Variants in VSX1 observed in about 807,000 individuals in gnomAD.
VSX1 encodes the protein visual system homeobox 1.
Under a neutral mutation model 23.6 loss-of-function variants are expected in VSX1, and 23 were observed. The observed-to-expected ratio is 0.97, with a 90% CI of 0.70 to 1.38. The LOEUF (loss-of-function observed/expected upper bound fraction) is 1.38. Among genes scored for constraint, VSX1 ranks in the 40% most tolerant of loss-of-function variants. The pLI is 0.00. For missense variants in VSX1, 517 were observed against 495.4 expected (o/e 1.04, Z -0.41); for synonymous variants, 247 against 215.1 (o/e 1.15, Z -1.30).
chr20:25,079,664 A>G, intron 1 of VSX1, 150 bp from the exon 2 acceptor site: 1 of 691,822 alleles, frequency 1.4e-6, no homozygotes, highest in East Asian at 2.8e-5. Context: ...ACTAGATCCC[A>G]GGCTCTGTGC....
chr20:25,076,708 C>T (rs1055313234), intron 4 of VSX1, among the ~76,000 whole-genome samples, 158 bp from the exon 5 acceptor site: 1 of 152,238 alleles, frequency 6.6e-6, no homozygotes, highest in Non-Finnish European at 1.5e-5. Context: ...GTAACTCCCA[C>T]CTTAGGGGTT....
At position 25,081,942 on chromosome 20, in the gene VSX1, C is replaced by T. The variant is rs2089658533; in HGVS notation, c.155G>A (p.Gly52Glu). 6.5e-7 allele frequency: 1 copy of T among 1,532,476 alleles called. No individual in the cohort carries two copies. The highest frequency in any genetic ancestry group is 8.7e-7 in the Non-Finnish European group (1 of 1,145,920). 94.9% of individuals were successfully genotyped at this position (1,532,476 alleles called of 1,614,324 possible). Residue 52 changes from glycine (G) to glutamate (E), a missense_variant, in exon 1 of 5, where the codon GGA becomes GAA. Coordinates refer to ENST00000376709, the MANE Select transcript of VSX1 (RefSeq NM_014588.6). ...ELPAPAGPGQGSGCEGPAVAP... is the reference protein window; with the variant it reads ...ELPAPAGPGQESGCEGPAVAP... ...GACTGCCGGACCCTCGCAGCCAGAT[C>T]CCTGTCCTGGGCCAGCGGGCGCCGG...
Position 25,082,070 on chromosome 20 carries a change from G to A in VSX1, c.27C>T (p.Asp9=). 8 of 1,538,738 alleles carry A rather than the reference G, an allele frequency of 5.2e-6. No homozygotes were observed. The highest frequency in any genetic ancestry group is 7.0e-6 in the Non-Finnish European group (8 of 1,148,510). Residue 9 remains aspartate, a synonymous_variant, in exon 1 of 5, where the codon GAC becomes GAT. Transcript: ENST00000376709. ...CCAGCGCCCTGCTGCTAGTGCGCCC[G>A]TCGGAAAGCGAGTCCCGGCCGGTCA... is the stretch of plus-strand genomic sequence containing the variant. MTGRDSLS[D]GRTSSRALVP...
At chr20:25,071,231 G>T (rs1310540981), downstream of VSX1, 1 of 452,868 alleles carries the variant, frequency 2.2e-6, no homozygotes, top group South Asian at 1.6e-5. Flanking sequence ...GCAGGCACAG[G>T]TCAGCCATGC....
At chr20:25,073,966 C>A (rs987539961), downstream of VSX1, among the ~76,000 whole-genome samples, 1 of 152,084 alleles carries the variant, frequency 6.6e-6, no homozygotes, top group Non-Finnish European at 1.5e-5. Context: ...TTGCTGTGTT[C>A]GTAGAGTTCT....
rs2089556743 is a variant in VSX1 at position 25,078,387 on chromosome 20, G to A, written c.627+442C>T. Among the ~76,000 whole-genome samples the A allele has an allele frequency of 2.0e-5, 3 of 152,106 alleles. No homozygotes were observed. The South Asian group carries it at 6.2e-4, about 32-fold the overall frequency. On this transcript the variant is annotated intron_variant, in intron 3 of 4. Coordinates refer to ENST00000376709, the MANE Select transcript of VSX1 (RefSeq NM_014588.6). Reference sequence around the variant, plus strand: ...ACATATCTTCTGATAAAACCAAGAGGAAAATTCTATGTATGCATGTGAGTG... The same window carrying A: ...ACATATCTTCTGATAAAACCAAGAGAAAAATTCTATGTATGCATGTGAGTG...
chr20:25,076,339 GTGCAC>G lies in VSX1; in HGVS notation c.1015_1019del (p.Val339ProfsTer36). 1.2e-6 allele frequency: 2 copies of G among 1,614,186 alleles called. No individual in the cohort carries two copies. The highest frequency in any genetic ancestry group is 1.7e-6 in the Non-Finnish European group (2 of 1,180,034). On this transcript the variant is annotated frameshift_variant, in exon 5 of 5. Coordinates refer to ENST00000376709, the MANE Select transcript of VSX1 (RefSeq NM_014588.6). LOFTEE classifies it low-confidence loss of function (END_TRUNC). ...AGCCTCCTTGAGCACCAGCCCCAGG[GTGCAC>G]TTTCTTGGTCTCCTGCCGGGCAGAG...
Position 25,081,914 on chromosome 20 carries a change from C to T in VSX1, c.183G>A (p.Ala61=), listed in dbSNP as rs1394252540. 6.5e-6 allele frequency: 10 copies of T among 1,529,094 alleles called. No individual in the cohort carries two copies. The African/African-American group carries it at 1.1e-4, about 17-fold the overall frequency. The allele number at this position is 1,529,094 out of a possible 1,614,324, so 94.7% of individuals were successfully genotyped here. ...QGSGCEGPAV[A]PCPGPGLDGS... is the part of the protein sequence containing the mutation. ...CGTCAAGCCCCGGGCCCGGGCACGG[C>T]GCGACTGCCGGACCCTCGCAGCCAG... The change falls in exon 1 of 5, where the codon GCG becomes GCA. Residue 61 remains alanine (A), a synonymous_variant. Coordinates refer to ENST00000376709, the MANE Select transcript of VSX1 (RefSeq NM_014588.6).
At position 25,079,459 on chromosome 20, in the gene VSX1, G is replaced by A; in HGVS notation, c.480C>T (p.Gly160=). 2 of 1,612,830 alleles carry A rather than the reference G, an allele frequency of 1.2e-6. No homozygotes were observed. Among genetic ancestry groups the A allele is most frequent in the African/African-American group, 1.3e-5 (1 of 75,000 alleles). ...ACCTGTGCCGCCGCTTCTTCCTCTT[G>A]CCCAAGGTGGGGGATGCCTTTAGGT... ...RNDLKASPTL[G]KRKKRRHRTV... Residue 160 remains glycine, a synonymous_variant, in exon 2 of 5, where the codon GGC becomes GGT. Coordinates refer to ENST00000376709, the MANE Select transcript of VSX1 (RefSeq NM_014588.6).
At chr20:25,079,022 A>T in intron 2 of VSX1, 70 bp from the exon 3 acceptor site, 4 of 1,596,186 alleles carry the variant, frequency 2.5e-6, no homozygotes, top group Non-Finnish European at 3.4e-6. Flanking sequence ...GGCCTTAAGG[A>T]CCACCGTGCC....
chr20:25,081,728 G>C lies in VSX1; in HGVS notation c.369C>G (p.Ser123Arg). The change falls in exon 1 of 5, where the codon AGC becomes AGG. Residue 123 changes from serine to arginine, a missense_variant. By Grantham distance (110) the Ser-to-Arg change is moderately radical. Coordinates refer to ENST00000376709, the MANE Select transcript of VSX1 (RefSeq NM_014588.6). ...GGCGGCCGAGCGCAGGCGGCGGACG[G>C]CTGGGAGCCAGCGGGGCAGCGGGCT... Reference protein sequence around the residue: ...GPEPAAPLAPSRPPPALGRQK... With the variant: ...GPEPAAPLAPRRPPPALGRQK... 8.7e-6 allele frequency: 13 copies of C among 1,501,998 alleles called. No individual in the cohort carries two copies. The highest frequency in any genetic ancestry group is 1.1e-5 in the Non-Finnish European group (13 of 1,133,324). 93.0% of individuals were successfully genotyped at this position (1,501,998 alleles called of 1,614,324 possible).
intron 1 of VSX1, among the ~76,000 whole-genome samples, chr20:25,080,211 G>A (rs957635007): frequency 4.6e-5 from 7 of 152,246 alleles, no homozygotes; most frequent in Non-Finnish European, 2.9e-5. Context: ...AAACTATTGT[G>A]AGATTCATTG....
At chr20:25,071,994 G>A (rs1191636231), downstream of VSX1, 6 of 624,120 alleles carry the variant, frequency 9.6e-6, no homozygotes, top group Admixed American at 5.8e-5. Context: ...CAGTGAACGG[G>A]AGCCTCCAGG....
At chr20:25,074,734 C>T (rs981245943), downstream of VSX1, among the ~76,000 whole-genome samples, 6 of 152,234 alleles carry the variant, frequency 3.9e-5, no homozygotes, top group East Asian at 1.2e-3. Context: ...CTTACTGGTT[C>T]CCTCTCCCAA....
intron 3 of VSX1, chr20:25,078,549 T>C (rs1430171085): frequency 1.7e-5 from 12 of 709,958 alleles, no homozygotes; most frequent in African/African-American, 2.4e-5. Context: ...GGTAGTCTCT[T>C]TTTTTTTTTT....
At chr20:25,071,801 G>T (rs2089384831), downstream of VSX1, 1 of 707,370 alleles carries the variant, frequency 1.4e-6, no homozygotes, top group Non-Finnish European at 2.6e-6. Context: ...CCCTGCAGGG[G>T]GCAAGTCTGG....
rs2089573088 is a variant in VSX1, at chr20:25,078,881, T to C, written c.575A>G (p.Tyr192Cys). Residue 192 changes from tyrosine to cysteine, a missense_variant, in exon 3 of 5, where the codon TAT (tyrosine) becomes TGT (cysteine). Coordinates refer to ENST00000376709, the MANE Select transcript of VSX1 (RefSeq NM_014588.6). ...TTTCACAGCCAGCATTTCTCGGGCA[T>C]ACACATCAGGGTAGTGGGCCTCGCT... ...AFSEAHYPDV[Y>C]AREMLAVKTE... is the part of the protein sequence containing the mutation. The C allele has an allele frequency of 6.2e-7, 1 of 1,614,196 alleles. No individual in the cohort carries two copies. Among genetic ancestry groups the C allele is most frequent in the Admixed American group, 1.7e-5 (1 of 60,036 alleles).
intron 3 of VSX1, among the ~76,000 whole-genome samples, chr20:25,078,157 A>T (rs78987929): frequency 0.033 from 4,964 of 152,192 alleles, 259 homozygotes; most frequent in African/African-American, 0.11. Flanking sequence ...AAAACTAAAG[A>T]ATCAAACTCC....
At chr20:25,077,602 T>C in intron 4 of VSX1, 83 bp downstream of exon 4, 2 of 1,499,170 alleles carry the variant, frequency 1.3e-6, no homozygotes, top group Non-Finnish European at 1.8e-6. Context: ...GCTTTGGAAA[T>C]GGCTGCCTCG....
Sources: allele counts gnomAD v4.1 joint callset (sites outside exome capture counted in the v4.1 genomes callset), GRCh38; gene constraint gnomAD v4.1.1; transcripts MANE v1.5; gene names NCBI Gene and HGNC (gene_info 2026-07-23, HGNC 2026-07-21).